The following BMP2K variants were observed in gnomAD, a reference collection of about 807,000 sequenced individuals.
The protein encoded by BMP2K is BMP2 inducible kinase, also known as BMP-2-inducible protein kinase.
Under a neutral mutation model 116.0 loss-of-function variants are expected in BMP2K, and 74 were observed. The ratio of observed to expected loss-of-function variants is 0.64; its 90% CI spans 0.53 to 0.77. BMP2K has a LOEUF of 0.77. BMP2K is among the 30% of genes least tolerant of loss of function. The probability of loss-of-function intolerance (pLI) is 0.00; values close to 1 mark genes in which losing one functional copy is unlikely to be tolerated. For missense variants in BMP2K, 1,365 were observed against 1,403.6 expected, an observed-to-expected ratio of 0.97 and a Z score of 0.44; for synonymous variants, 486 against 502.5, an observed-to-expected ratio of 0.97 and a Z score of 0.44.
chr4:78,910,489 T>C (rs1734530415), intron 15 of BMP2K, 121 bp from the exon 16 acceptor site: 6 of 821,334 alleles, frequency 7.3e-6, no homozygotes, highest in Non-Finnish European at 9.2e-6. Flanking sequence ...ACATTATTTT[T>C]TCCTCTAAGG....
chr4:78,802,606 T>C (rs917060281), intron 1 of BMP2K, among the ~76,000 whole-genome samples: 2 of 152,218 alleles, frequency 1.3e-5, no homozygotes, highest in Admixed American at 1.3e-4. Flanking sequence ...TTAAGTCATC[T>C]GAAATTTGTA....
chr4:78,881,798 G>C (rs1732893278), intron 14 of BMP2K, among the ~76,000 whole-genome samples: 1 of 151,866 alleles, frequency 6.6e-6, no homozygotes, highest in Non-Finnish European at 1.5e-5. Flanking sequence ...TTCTGAAATA[G>C]TGGGTTCAGT....
chr4:78,879,627 T>TTGTGTGTG (rs36091562), intron 14 of BMP2K: 1 of 163,676 alleles, frequency 6.1e-6, no homozygotes, highest in African/African-American at 2.4e-5. Flanking sequence ...TTCTGAGGCT[T>TTGTGTGTG]TGTGTGTGTG....
chr4:78,802,920 G>T (rs574382505), intron 1 of BMP2K, among the ~76,000 whole-genome samples: 1 of 152,040 alleles, frequency 6.6e-6, no homozygotes, highest in South Asian at 2.1e-4. Context: ...CACATTCCTG[G>T]CTCACTGCAA....
chr4:78,810,683 G>A (rs972424697), intron 1 of BMP2K, among the ~76,000 whole-genome samples: 9 of 152,186 alleles, frequency 5.9e-5, no homozygotes, highest in Admixed American at 1.3e-4. Flanking sequence ...TAGGTTGGTA[G>A]TTTTCACAGC....
At chr4:78,906,198 T>A (rs1039966910) in intron 15 of BMP2K, 5 of 152,132 alleles carry the variant, frequency 3.3e-5, no homozygotes, top group Non-Finnish European at 5.9e-5. Context: ...TGTCTTAGTA[T>A]GCTTTCAGAG....
intron 1 of BMP2K, among the ~76,000 whole-genome samples, chr4:78,782,985 C>T (rs1487724857): frequency 6.6e-6 from 1 of 152,142 alleles, no homozygotes; most frequent in Non-Finnish European, 1.5e-5. Flanking sequence ...TAATGTGTGA[C>T]AGTACCTGAC....
intron 3 of BMP2K, among the ~76,000 whole-genome samples, chr4:78,833,949 T>C (rs985822438): frequency 6.6e-6 from 1 of 152,208 alleles, no homozygotes; most frequent in African/African-American, 2.4e-5. Context: ...GGTACAGAGT[T>C]ACAGTTCTTG....
chr4:78,858,225 G>A (rs1577932141), intron 7 of BMP2K, among the ~76,000 whole-genome samples: 1 of 151,896 alleles, frequency 6.6e-6, no homozygotes, highest in African/African-American at 2.4e-5. Flanking sequence ...TTAACAGTAT[G>A]TTTAAATTTA....
At chr4:78,800,188 G>T (rs2109953494) in intron 1 of BMP2K, among the ~76,000 whole-genome samples, 1 of 152,282 alleles carries the variant, frequency 6.6e-6, no homozygotes. Flanking sequence ...TGGGTATCAG[G>T]TCTTGAAGTA....
chr4:78,892,282 G>A (rs546738077), intron 15 of BMP2K, among the ~76,000 whole-genome samples: 1 of 152,020 alleles, frequency 6.6e-6, no homozygotes, highest in East Asian at 1.9e-4. Context: ...CCGTTTAGAT[G>A]TTCAGTTTTC....
chr4:78,870,742 A>G, intron 10 of BMP2K, 41 bp from the exon 11 acceptor site: 2 of 1,554,440 alleles, frequency 1.3e-6, no homozygotes, highest in Non-Finnish European at 1.7e-6. Flanking sequence ...TTTAATTGAA[A>G]TCATTAGTAT....
At chr4:78,906,850 C>T (rs1734311993) in intron 15 of BMP2K, among the ~76,000 whole-genome samples, 2 of 152,098 alleles carry the variant, frequency 1.3e-5, no homozygotes. Flanking sequence ...TTCACAATAG[C>T]TCTATGATAT....
At position 78,911,213 on chromosome 4, in the gene BMP2K, G is replaced by A. The variant is rs759635246; in HGVS notation, c.2666G>A (p.Gly889Glu). The A allele has an allele frequency of 2.5e-6, 4 of 1,613,894 alleles. No individual in the cohort carries two copies. The East Asian group carries it at 8.9e-5, about 36-fold the overall frequency. Residue 889 changes from glycine to glutamate, a missense_variant, in exon 16 of 16, where the codon GGA becomes GAA. Gly to Glu is a moderately conservative substitution (Grantham distance 98). This residue lies in a region of BMP2K where 596 missense variants were observed against 623.2 expected (regional missense o/e 0.96). Coordinates refer to ENST00000502613, the MANE Select transcript of BMP2K (RefSeq NM_198892.2). ...NLPQHRFPAA[G>E]LEQEEFDVFT... ...CCTCAACACAGGTTTCCTGCTGCAG[G>A]ACTGGAGCAGGAGGAATTTGATGTA... is the stretch of plus-strand genomic sequence containing the variant.
chr4:78,833,340 A>G (rs746192418), intron 2 of BMP2K, among the ~76,000 whole-genome samples: 1 of 152,114 alleles, frequency 6.6e-6, no homozygotes, highest in African/African-American at 2.4e-5. Context: ...TGCGTGAACC[A>G]TTTTCACAGT....
At chr4:78,832,397 AAC>A (rs756851548) in intron 2 of BMP2K, among the ~76,000 whole-genome samples, 33 of 152,294 alleles carry the variant, frequency 2.2e-4, no homozygotes, top group Non-Finnish European at 4.4e-4. Flanking sequence ...CGTCTTTACT[AAC>A]ACACATATTA....
At chr4:78,840,993 CAG>C (rs1256520632) in intron 3 of BMP2K, among the ~76,000 whole-genome samples, 1 of 152,108 alleles carries the variant, frequency 6.6e-6, no homozygotes, top group Non-Finnish European at 1.5e-5. Context: ...AATTAAAAGA[CAG>C]GGAGTCTGCC....
intron 10 of BMP2K, among the ~76,000 whole-genome samples, chr4:78,869,630 A>G (rs892179050): frequency 3.9e-5 from 6 of 152,204 alleles, no homozygotes; most frequent in African/African-American, 1.4e-4. Context: ...TATGTACTCC[A>G]TGAATATGTA....
Position 78,911,200 on chromosome 4 carries a change from T to G in BMP2K, c.2653T>G (p.Phe885Val). The G allele has an allele frequency of 6.2e-7, 1 of 1,613,764 alleles. No homozygotes were observed. The highest frequency in any genetic ancestry group is 8.5e-7 in the Non-Finnish European group (1 of 1,179,788). The stretch of plus-strand genomic sequence containing the variant: ...TGAAAAGAACCTCCCTCAACACAGG[T>G]TTCCTGCTGCAGGACTGGAGCAGGA... ...KNEKNLPQHR[F>V]PAAGLEQEEF... Residue 885 changes from phenylalanine to valine, a missense_variant, in exon 16 of 16, where the codon TTT (phenylalanine) becomes GTT (valine). This residue lies in a region of BMP2K where 596 missense variants were observed against 623.2 expected (regional missense o/e 0.96). Coordinates refer to ENST00000502613, the MANE Select transcript of BMP2K (RefSeq NM_198892.2).
Sources: allele counts gnomAD v4.1 joint callset (sites outside exome capture counted in the v4.1 genomes callset), GRCh38; gene constraint gnomAD v4.1.1; regional missense constraint gnomAD v4.1.1; transcripts MANE v1.5; gene names NCBI Gene and HGNC (gene_info 2026-07-23, HGNC 2026-07-21).